Variants in PGLYRP3 observed in about 807,000 individuals in gnomAD.
PGLYRP3 encodes peptidoglycan recognition protein 3.
PGLYRP3 carries 39 observed loss-of-function variants against 36.0 expected under a neutral mutation model. That is an observed-to-expected ratio of 1.08 (90% CI 0.84 to 1.41). The LOEUF (loss-of-function observed/expected upper bound fraction) is 1.41. Among genes scored for constraint, PGLYRP3 ranks in the 40% most tolerant of loss-of-function variants. PGLYRP3 has a pLI of 0.00. For synonymous variants in PGLYRP3, 204 were observed against 172.8 expected, an observed-to-expected ratio of 1.18 and a Z score of -1.42; for missense variants, 407 against 427.9, an observed-to-expected ratio of 0.95 and a Z score of 0.43.
At chr1:153,306,822 C>T (rs576042797) in intron 3 of PGLYRP3, among the ~76,000 whole-genome samples, 9 of 152,240 alleles carry the variant, frequency 5.9e-5, no homozygotes, top group Admixed American at 1.3e-4. Context: ...GCAGTTGTTA[C>T]GTAACCTTCC....
At chr1:153,303,070 G>T (rs1571102613) in intron 5 of PGLYRP3, among the ~76,000 whole-genome samples, 1 of 152,302 alleles carries the variant, frequency 6.6e-6, no homozygotes, top group East Asian at 1.9e-4. Flanking sequence ...TGAAGATAGT[G>T]CCTGTCCAAA....
intron 2 of PGLYRP3, among the ~76,000 whole-genome samples, chr1:153,307,526 C>T (rs1659776011): frequency 6.6e-6 from 1 of 152,150 alleles, no homozygotes; most frequent in African/African-American, 2.4e-5. Context: ...CCCTGAAGGG[C>T]AAATCCCATC....
At chr1:153,303,828 G>A (rs542449334) in intron 5 of PGLYRP3, 29 bp downstream of exon 5, 1 of 1,589,172 alleles carries the variant, frequency 6.3e-7, no homozygotes, top group East Asian at 2.2e-5. Flanking sequence ...GTGACGAGGA[G>A]GAGGGTGAGG....
rs755838726 is a variant in PGLYRP3, at chr1:153,304,002, A to T, written c.384T>A (p.Ser128Arg). 4 of 1,612,750 alleles carry T rather than the reference A, an allele frequency of 2.5e-6. No homozygotes were observed. Among genetic ancestry groups the T allele is most frequent in the Non-Finnish European group, 3.4e-6 (4 of 1,179,076 alleles). The change falls in exon 5 of 8, where the codon AGT (serine) becomes AGA (arginine). Residue 128 changes from serine to arginine, a missense_variant. Physicochemically the swap from Ser to Arg is moderately radical, Grantham distance 110. Transcript: ENST00000683862. ...CAGCTGATAAGGCAGCAGGGCTGGG[A>T]CTGCTGCCTTAAAGAGGAGGACAGG... is the stretch of plus-strand genomic sequence containing the variant. The part of the protein sequence containing the change: ...IAFFGNKIGS[S>R]PSPAALSAAE...
intron 4 of PGLYRP3, among the ~76,000 whole-genome samples, 166 bp downstream of exon 4, chr1:153,304,781 G>A (rs933611819): frequency 3.3e-5 from 5 of 152,220 alleles, no homozygotes; most frequent in African/African-American, 9.6e-5. Context: ...AGGACAAAAA[G>A]TATGCATGTC....
At chr1:153,298,200 G>T in intron 7 of PGLYRP3, 66 bp from the exon 8 acceptor site, 1 of 1,534,478 alleles carries the variant, frequency 6.5e-7, no homozygotes, top group Non-Finnish European at 8.9e-7. Flanking sequence ...GAAGGGACAA[G>T]CACCTAGATT....
In PGLYRP3 at chr1:153,297,555, GAAAGAAAAA is replaced by G. The variant is rs2101504826; in HGVS notation, c.*392_*400del. ...GGAAGGAAGGAAGGAAGGAAGGAAA[GAAAGAAAAA>G]GAAAGAAAGAAAGAAAGAAGAAAGA... On this transcript the variant is annotated 3_prime_UTR_variant, in exon 8 of 8. Coordinates refer to ENST00000683862, the MANE Select transcript of PGLYRP3 (RefSeq NM_052891.3). Among the ~76,000 whole-genome samples the G allele has an allele frequency of 1.3e-5, 1 of 74,502 alleles. No individual in the cohort carries two copies. Among genetic ancestry groups the G allele is most frequent in the African/African-American group, 5.2e-5 (1 of 19,284 alleles). The allele number at this position is 74,502 out of a possible 152,430, so 48.9% of individuals were successfully genotyped here.
chr1:153,306,354 A>G (rs1053504231), intron 3 of PGLYRP3, among the ~76,000 whole-genome samples: 4 of 152,132 alleles, frequency 2.6e-5, no homozygotes, highest in African/African-American at 7.2e-5. Flanking sequence ...TCTTGAGGCT[A>G]AGGGAGAAAA....
intron 7 of PGLYRP3, 111 bp downstream of exon 7, chr1:153,299,002 T>A: frequency 1.2e-6 from 1 of 829,528 alleles, no homozygotes; most frequent in Non-Finnish European, 2.1e-6. Flanking sequence ...AGCTAAAATG[T>A]TCCATTCACA....
chr1:153,301,909 T>C (rs1557808190), intron 6 of PGLYRP3, among the ~76,000 whole-genome samples: 1 of 152,204 alleles, frequency 6.6e-6, no homozygotes, highest in African/African-American at 2.4e-5. Context: ...TTCAAACAGA[T>C]AAAGCATTGT....
In PGLYRP3 at chr1:153,299,242, G is replaced by C. The variant is rs774495855; in HGVS notation, c.729-11C>G. ...TGGCCCACCAGGAAGCTTAGGTCAG[G>C]AAAAGAAAATGAAGACAGTCACTCT... On this transcript the variant is annotated splice_polypyrimidine_tract_variant and intron_variant, in intron 6 of 7. Coordinates refer to ENST00000683862, the MANE Select transcript of PGLYRP3 (RefSeq NM_052891.3). 1.9e-6 allele frequency: 3 copies of C among 1,603,372 alleles called. No homozygotes were observed. Among genetic ancestry groups the C allele is most frequent in the Non-Finnish European group, 2.6e-6 (3 of 1,170,700 alleles).
At position 153,306,979 on chromosome 1, in the gene PGLYRP3, C is replaced by T. The variant is rs889918285; in HGVS notation, c.257+87G>A. On this transcript the variant is annotated intron_variant, in intron 3 of 7. Transcript: ENST00000683862. ...TTACAAAAGCAATGTAAATGAAGCG[C>T]AGAAAATAAGAGCCACAGAGAAGGG... is the stretch of plus-strand genomic sequence containing the variant. 75 of 1,206,328 alleles carry T rather than the reference C, an allele frequency of 6.2e-5. No individual in the cohort carries two copies. In the Middle Eastern group the frequency reaches 7.7e-4, roughly 12 times the overall value. 74.7% of individuals were successfully genotyped at this position (1,206,328 alleles called of 1,614,324 possible).
rs1249550743 is a variant in PGLYRP3, at chr1:153,297,355, G to A, written c.*601C>T. On this transcript the variant is annotated 3_prime_UTR_variant, in exon 8 of 8. Transcript: ENST00000683862. ...GTCCATGTGTGAGCAGAGAGGGGGG[G>A]TGGGCACACTGACCTAGGTCATGGG... Among the ~76,000 whole-genome samples the A allele has an allele frequency of 6.6e-6, 1 of 150,558 alleles. No individual in the cohort carries two copies. Among genetic ancestry groups the A allele is most frequent in the East Asian group, 2.0e-4 (1 of 5,082 alleles).
chr1:153,307,344 C>T (rs1659770325), intron 2 of PGLYRP3, 77 bp from the exon 3 acceptor site: 2 of 1,421,142 alleles, frequency 1.4e-6, no homozygotes, highest in Non-Finnish European at 1.9e-6. Context: ...GTGCCCTGAC[C>T]TCTCATGCTC....
chr1:153,306,269 T>C (rs974164677), intron 3 of PGLYRP3, among the ~76,000 whole-genome samples: 1 of 152,240 alleles, frequency 6.6e-6, no homozygotes, highest in Non-Finnish European at 1.5e-5. Flanking sequence ...TATTTATGTT[T>C]GTCTTTAGAG....
chr1:153,307,047 G>C lies in PGLYRP3; in HGVS notation c.257+19C>G. 2 of 1,611,452 alleles carry C rather than the reference G, an allele frequency of 1.2e-6. No homozygotes were observed. The highest frequency in any genetic ancestry group is 1.7e-6 in the Non-Finnish European group (2 of 1,178,258). On this transcript the variant is annotated intron_variant, in intron 3 of 7. Coordinates refer to ENST00000683862, the MANE Select transcript of PGLYRP3 (RefSeq NM_052891.3). ...CGTGACTTTGGATGTGGGCCTCAGG[G>C]ACTTGGCTAGCCTCTTACTTGTACG... is the stretch of plus-strand genomic sequence containing the variant.
At position 153,298,096 on chromosome 1, in the gene PGLYRP3, C is replaced by A; in HGVS notation, c.886G>T (p.Asp296Tyr). 6.2e-7 allele frequency: 1 copy of A among 1,613,984 alleles called. No individual in the cohort carries two copies. The highest frequency in any genetic ancestry group is 1.3e-5 in the African/African-American group (1 of 74,960). Reference sequence around the variant, plus strand: ...TCAACCACGGCACACTGGATCAGGTCCTGGGCCGCCTCCAGCGCTGCAGCA... The same window carrying A: ...TCAACCACGGCACACTGGATCAGGTACTGGGCCGCCTCCAGCGCTGCAGCA... ...PNAAALEAAQDLIQCAVVEGY... is the reference protein window; with the variant it reads ...PNAAALEAAQYLIQCAVVEGY... The change falls in exon 8 of 8, where the codon GAC (aspartate) becomes TAC (tyrosine). Residue 296 changes from aspartate to tyrosine, a missense_variant. Transcript: ENST00000683862.
At chr1:153,302,289 T>C in intron 6 of PGLYRP3, 120 bp downstream of exon 6, 1 of 1,056,984 alleles carries the variant, frequency 9.5e-7, no homozygotes, top group Non-Finnish European at 1.4e-6. Context: ...TAAAATATGA[T>C]GCCTTATGGA....
At chr1:153,309,630 G>A (rs1441027646) in intron 2 of PGLYRP3, among the ~76,000 whole-genome samples, 1 of 152,220 alleles carries the variant, frequency 6.6e-6, no homozygotes, top group Non-Finnish European at 1.5e-5. Flanking sequence ...GACTGCTGAG[G>A]ACAGGAGCCC....
Sources: allele counts gnomAD v4.1 joint callset (sites outside exome capture counted in the v4.1 genomes callset), GRCh38; gene constraint gnomAD v4.1.1; transcripts MANE v1.5; gene names NCBI Gene and HGNC (gene_info 2026-07-23, HGNC 2026-07-21).